WFDC10B: variants seen among roughly 807,000 people sequenced by gnomAD.
WFDC10B encodes WAP four-disulfide core domain 10B, also known as protein WFDC10B.
WFDC10B carries 1 observed loss-of-function variant against 2.7 expected under a neutral mutation model. The ratio of observed to expected loss-of-function variants is 0.38; its 90% CI spans 0.13 to 1.79. The LOEUF (loss-of-function observed/expected upper bound fraction) is 1.79. WFDC10B is among the 40% of genes most tolerant of loss of function. The probability of loss-of-function intolerance (pLI) is 0.33; values close to 1 mark genes in which losing one functional copy is unlikely to be tolerated. For synonymous variants in WFDC10B, 26 were observed against 32.2 expected (o/e 0.81, Z 0.65); for missense variants, 71 against 87.8 (o/e 0.81, Z 0.76).
intron 2 of WFDC10B, among the ~76,000 whole-genome samples, chr20:45,696,663 A>C (rs1983989302): frequency 6.6e-6 from 1 of 152,192 alleles, no homozygotes; most frequent in South Asian, 2.1e-4. Flanking sequence ...TGAAATGGAC[A>C]AATTCCTAGA....
intron 2 of WFDC10B, among the ~76,000 whole-genome samples, chr20:45,689,258 C>T (rs550270271): frequency 0.016 from 2,347 of 150,148 alleles, 63 homozygotes; most frequent in African/African-American, 0.057. Context: ...GGAGTATAGT[C>T]TGAAGTCAGG....
chr20:45,690,213 T>G (rs1983764875), intron 2 of WFDC10B, among the ~76,000 whole-genome samples: 1 of 149,922 alleles, frequency 6.7e-6, no homozygotes, highest in South Asian at 2.1e-4. Flanking sequence ...GTGGATAAGC[T>G]TTTTGATGTG....
At chr20:45,691,935 T>C (rs1453667305) in intron 2 of WFDC10B, among the ~76,000 whole-genome samples, 1 of 152,218 alleles carries the variant, frequency 6.6e-6, no homozygotes, top group Non-Finnish European at 1.5e-5. Context: ...TTAGTCTCCA[T>C]GGTCTTTACA....
intron 2 of WFDC10B, among the ~76,000 whole-genome samples, chr20:45,693,364 C>CAT (rs1983877516): frequency 6.6e-6 from 1 of 152,198 alleles, no homozygotes; most frequent in Non-Finnish European, 1.5e-5. Context: ...TCAAAGCTGT[C>CAT]AGACAGGGAC....
chr20:45,690,595 C>A (rs1983780281), intron 2 of WFDC10B, among the ~76,000 whole-genome samples: 1 of 151,952 alleles, frequency 6.6e-6, no homozygotes, highest in Admixed American at 6.6e-5. Context: ...AGGAATTTAT[C>A]CATTTCTTCT....
chr20:45,702,621 C>T (rs182775201), intron 2 of WFDC10B, among the ~76,000 whole-genome samples: 1 of 152,336 alleles, frequency 6.6e-6, no homozygotes, highest in East Asian at 1.9e-4. Context: ...GTTGGTAGAA[C>T]TCAAGCTAGA....
chr20:45,688,762 G>A (rs566113107), intron 2 of WFDC10B, among the ~76,000 whole-genome samples: 3 of 152,238 alleles, frequency 2.0e-5, no homozygotes, highest in African/African-American at 4.8e-5. Context: ...AGATGAGTAG[G>A]TTGCGAAAAT....
chr20:45,686,414 A>G (rs961362009), intron 2 of WFDC10B, among the ~76,000 whole-genome samples: 4 of 152,180 alleles, frequency 2.6e-5, no homozygotes, highest in African/African-American at 9.7e-5. Flanking sequence ...ATTTAATGTA[A>G]ACAATCTTTT....
chr20:45,699,646 C>T (rs185000219), intron 2 of WFDC10B, among the ~76,000 whole-genome samples: 3 of 152,292 alleles, frequency 2.0e-5, no homozygotes, highest in East Asian at 1.9e-4. Flanking sequence ...AAGTAGAAAT[C>T]GGCAATATCT....
chr20:45,702,708 A>G (rs1984216094), intron 2 of WFDC10B, among the ~76,000 whole-genome samples: 2 of 152,168 alleles, frequency 1.3e-5, no homozygotes, highest in South Asian at 4.1e-4. Context: ...CACATTTTCA[A>G]ACTCCAGAGG....
chr20:45,689,322 G>C (rs1983732603), intron 2 of WFDC10B, among the ~76,000 whole-genome samples: 1 of 151,622 alleles, frequency 6.6e-6, no homozygotes, highest in South Asian at 2.1e-4. Context: ...TTGGCGATGT[G>C]GGCTCTTTTT....
chr20:45,687,191 C>G (rs1983647592), intron 2 of WFDC10B, among the ~76,000 whole-genome samples: 1 of 152,034 alleles, frequency 6.6e-6, no homozygotes, highest in Non-Finnish European at 1.5e-5. Context: ...TTGTTTACCT[C>G]CCTGTGTCCA....
In WFDC10B at chr20:45,691,773, G is replaced by A. The variant is rs1008823177; in HGVS notation, c.-64-5717C>T. Among the ~76,000 whole-genome samples the A allele has an allele frequency of 5.9e-5, 9 of 152,134 alleles. No individual in the cohort carries two copies. The South Asian group carries it at 1.9e-3, about 32-fold the overall frequency. ...GTGTCCTGAATACAACACACTGATGGGTCTTGACTCTTTATCCAATTTGCC... is the reference window on the plus strand; with the variant it reads ...GTGTCCTGAATACAACACACTGATGAGTCTTGACTCTTTATCCAATTTGCC... On this transcript the variant is annotated intron_variant, in intron 2 of 3. Coordinates refer to ENST00000330523, the MANE Select transcript of WFDC10B (RefSeq NM_172006.2).
At chr20:45,690,958 C>G (rs1273901358) in intron 2 of WFDC10B, among the ~76,000 whole-genome samples, 1 of 152,150 alleles carries the variant, frequency 6.6e-6, no homozygotes, top group Non-Finnish European at 1.5e-5. Context: ...TTCCTGCTTT[C>G]TCTTGTGGGC....
At chr20:45,700,378 G>A (rs1403466547) in intron 2 of WFDC10B, among the ~76,000 whole-genome samples, 3 of 152,268 alleles carry the variant, frequency 2.0e-5, no homozygotes, top group East Asian at 1.9e-4. Flanking sequence ...AACTTGCTAT[G>A]AAACCAAGCA....
chr20:45,689,975 G>C (rs1042551454), intron 2 of WFDC10B, among the ~76,000 whole-genome samples: 10 of 151,610 alleles, frequency 6.6e-5, no homozygotes, highest in African/African-American at 2.4e-4. Context: ...GTTGGCTGTG[G>C]GTTTGTCATA....
chr20:45,703,215 G>A (rs955610995), intron 2 of WFDC10B, among the ~76,000 whole-genome samples: 1 of 152,164 alleles, frequency 6.6e-6, no homozygotes, highest in Non-Finnish European at 1.5e-5. Flanking sequence ...TCTCTAAACT[G>A]CTCTGTTGAG....
At chr20:45,702,489 C>T (rs750336889) in intron 2 of WFDC10B, among the ~76,000 whole-genome samples, 3 of 152,308 alleles carry the variant, frequency 2.0e-5, no homozygotes, top group Non-Finnish European at 4.4e-5. Context: ...ATGGTAAATG[C>T]TCAGTAATAT....
rs532865790 is a variant in WFDC10B at position 45,704,769 on chromosome 20, T to A, written c.-130+149A>T. The A allele has an allele frequency of 3.8e-6, 5 of 1,310,936 alleles. No homozygotes were observed. The East Asian group carries it at 1.2e-4, about 30-fold the overall frequency. The allele number at this position is 1,310,936 out of a possible 1,614,324, so 81.2% of individuals were successfully genotyped here. A position where few individuals can be genotyped will look rare whatever the true frequency, so the allele number is the denominator to read the frequency against. ...GGATAATTTCCATAAAAGTCCTGAT[T>A]AGAAAAGCCCTCCTCCCCTCCCAAT... On this transcript the variant is annotated intron_variant, in intron 1 of 3. Transcript: ENST00000330523.
Sources: gnomAD v4.1 joint callset for allele counts (sites outside exome capture counted in the v4.1 genomes callset) on GRCh38, gnomAD v4.1.1 for gene constraint, MANE v1.5 for transcripts, NCBI Gene and HGNC (gene_info 2026-07-23, HGNC 2026-07-21) for gene names.